SHISAL2A: variants seen among roughly 807,000 people sequenced by gnomAD.
The protein encoded by SHISAL2A is shisa like 2A.
Under a neutral mutation model 11.5 loss-of-function variants are expected in SHISAL2A, and 18 were observed. That is an observed-to-expected ratio of 1.57 (90% CI 1.08 to 2.33). SHISAL2A has a LOEUF of 2.33. SHISAL2A is among the 30% of genes most tolerant of loss of function. The pLI, the probability that SHISAL2A is intolerant of heterozygous loss-of-function variation, is 0.00. For missense variants in SHISAL2A, 261 were observed against 250.9 expected (o/e 1.04, Z -0.27); for synonymous variants, 94 against 99.6 (o/e 0.94, Z 0.34).
intron 1 of SHISAL2A, 148 bp from the exon 2 acceptor site, chr1:52,642,715 T>G: frequency 1.2e-6 from 1 of 822,252 alleles, no homozygotes; most frequent in Non-Finnish European, 1.9e-6. Context: ...TGGGCCACTA[T>G]GCCTGGCCTA....
At chr1:52,661,514 G>C (rs1231576252), downstream of SHISAL2A, among the ~76,000 whole-genome samples, 1 of 152,224 alleles carries the variant, frequency 6.6e-6, no homozygotes, top group Non-Finnish European at 1.5e-5. Flanking sequence ...GACAGCCAAA[G>C]CCAGGCTGCA....
intron 2 of SHISAL2A, among the ~76,000 whole-genome samples, chr1:52,650,806 G>A (rs144476722): frequency 5.5e-4 from 84 of 151,378 alleles, no homozygotes; most frequent in East Asian, 2.5e-3. Context: ...CACCACACCC[G>A]GCTAATTTTT....
At chr1:52,660,250 T>C (rs1169961221), downstream of SHISAL2A, among the ~76,000 whole-genome samples, 13 of 151,902 alleles carry the variant, frequency 8.6e-5, no homozygotes, top group Non-Finnish European at 1.9e-4. Flanking sequence ...TCCCCAACAG[T>C]TGGAGAAAGG....
At chr1:52,639,325 G>C (rs1691306968) in intron 1 of SHISAL2A, among the ~76,000 whole-genome samples, 2 of 152,128 alleles carry the variant, frequency 1.3e-5, no homozygotes, top group South Asian at 4.1e-4. Context: ...CCTTGCATGT[G>C]TACATGTGTA....
At chr1:52,642,068 C>T (rs376150085) in intron 1 of SHISAL2A, among the ~76,000 whole-genome samples, 1 of 152,182 alleles carries the variant, frequency 6.6e-6, no homozygotes, top group East Asian at 1.9e-4. Context: ...GGCAACACTG[C>T]AGTTCAATCT....
At chr1:52,651,065 G>C (rs1467106770) in intron 2 of SHISAL2A, among the ~76,000 whole-genome samples, 1 of 151,622 alleles carries the variant, frequency 6.6e-6, no homozygotes, top group Admixed American at 6.6e-5. Flanking sequence ...GGAAGCAAAG[G>C]AGTGATGATC....
At chr1:52,659,818 C>A (rs1448027679), downstream of SHISAL2A, among the ~76,000 whole-genome samples, 1 of 152,230 alleles carries the variant, frequency 6.6e-6, no homozygotes. Context: ...TCCAACTTTT[C>A]TCTGAACACT....
At chr1:52,645,171 A>C (rs1017228253) in intron 2 of SHISAL2A, among the ~76,000 whole-genome samples, 2 of 152,364 alleles carry the variant, frequency 1.3e-5, no homozygotes, top group Middle Eastern at 3.4e-3. Flanking sequence ...TTAACAATAA[A>C]AATACAACAA....
chr1:52,666,562 TTTTG>T (rs1374568813), intron 4 of SHISAL2A, among the ~76,000 whole-genome samples: 12 of 151,160 alleles, frequency 7.9e-5, no homozygotes, highest in Non-Finnish European at 1.6e-4. Context: ...TTCTCTGAAC[TTTTG>T]TTTCTGTGCA....
chr1:52,666,707 G>T (rs2149897774), intron 4 of SHISAL2A, among the ~76,000 whole-genome samples: 1 of 152,198 alleles, frequency 6.6e-6, no homozygotes, highest in South Asian at 2.1e-4. Flanking sequence ...ATTCTCAGAG[G>T]TAGTTGCCAG....
At chr1:52,658,713 C>G (rs1270856612), downstream of SHISAL2A, among the ~76,000 whole-genome samples, 1 of 152,252 alleles carries the variant, frequency 6.6e-6, no homozygotes, top group African/African-American at 2.4e-5. Context: ...AAGATGCTGA[C>G]TGTCAGCCCT....
At chr1:52,641,628 T>C (rs886961259) in intron 1 of SHISAL2A, among the ~76,000 whole-genome samples, 2 of 152,092 alleles carry the variant, frequency 1.3e-5, no homozygotes, top group East Asian at 1.9e-4. Context: ...AGCAGAACCA[T>C]GGAGGTTGGG....
intron 1 of SHISAL2A, among the ~76,000 whole-genome samples, chr1:52,640,781 T>A (rs1289297594): frequency 6.6e-6 from 1 of 152,162 alleles, no homozygotes; most frequent in East Asian, 1.9e-4. Context: ...TATAATTTCC[T>A]GGGTGATAGG....
intron 2 of SHISAL2A, 126 bp from the exon 3 acceptor site, chr1:52,656,664 C>A (rs1691795722): frequency 2.0e-6 from 2 of 1,015,008 alleles, no homozygotes; most frequent in Non-Finnish European, 2.9e-6. Context: ...ACATGTTAAA[C>A]AAATGATGCT....
chr1:52,650,949 C>CTTT (rs779523487), intron 2 of SHISAL2A, among the ~76,000 whole-genome samples: 97 of 138,340 alleles, frequency 7.0e-4, no homozygotes, highest in African/African-American at 2.2e-3. Flanking sequence ...CTGGCCTAAC[C>CTTT]TTTTTTTTTT....
chr1:52,646,029 C>T (rs1691492963), intron 2 of SHISAL2A, among the ~76,000 whole-genome samples: 3 of 152,136 alleles, frequency 2.0e-5, no homozygotes, highest in Admixed American at 2.0e-4. Context: ...GATATTGGCA[C>T]AGAAATTGAC....
At chr1:52,650,465 C>T (rs1691608932) in intron 2 of SHISAL2A, among the ~76,000 whole-genome samples, 1 of 152,122 alleles carries the variant, frequency 6.6e-6, no homozygotes, top group African/African-American at 2.4e-5. Flanking sequence ...AATGTGTACC[C>T]TCATAGCTAC....
At chr1:52,639,245 G>A (rs989374404) in intron 1 of SHISAL2A, among the ~76,000 whole-genome samples, 4 of 152,034 alleles carry the variant, frequency 2.6e-5, no homozygotes, top group African/African-American at 9.7e-5. Context: ...GATCCAAGGG[G>A]CCCCAGACAG....
chr1:52,650,983 C>T (rs1206070350), intron 2 of SHISAL2A, among the ~76,000 whole-genome samples: 1 of 149,236 alleles, frequency 6.7e-6, no homozygotes, highest in Non-Finnish European at 1.5e-5. Flanking sequence ...CCACATAAGC[C>T]AAAAATGTAA....
Sources: gnomAD v4.1 joint callset for allele counts (sites outside exome capture counted in the v4.1 genomes callset) on GRCh38, gnomAD v4.1.1 for gene constraint, MANE v1.5 for transcripts, NCBI Gene and HGNC (gene_info 2026-07-23, HGNC 2026-07-21) for gene names.